CKAP2: variants seen among roughly 807,000 people sequenced by gnomAD.
CKAP2 encodes cytoskeleton associated protein 2.
CKAP2 carries 46 observed loss-of-function variants against 58.4 expected under a neutral mutation model. That is an observed-to-expected ratio of 0.79 (90% CI 0.62 to 1.01). CKAP2 has a LOEUF of 1.01. Among genes scored for constraint, CKAP2 ranks in the 50% least tolerant of loss-of-function variants. The pLI is 0.00. For missense variants in CKAP2, 809 were observed against 796.4 expected, an observed-to-expected ratio of 1.02 and a Z score of -0.19; for synonymous variants, 293 against 280.9, an observed-to-expected ratio of 1.04 and a Z score of -0.43.
chr13:52,467,092 C>T (rs1183095933), intron 6 of CKAP2, among the ~76,000 whole-genome samples: 1 of 127,292 alleles, frequency 7.9e-6, no homozygotes, highest in Admixed American at 8.4e-5. Flanking sequence ...CAGAGCAACA[C>T]CCTGTCTCAA....
In CKAP2 at chr13:52,475,367, T is replaced by A. The variant is rs1349178736; in HGVS notation, c.*226T>A. 2 of 495,260 alleles carry A rather than the reference T, an allele frequency of 4.0e-6. No individual in the cohort carries two copies. Among genetic ancestry groups the A allele is most frequent in the African/African-American group, 1.9e-5 (1 of 51,840 alleles). 30.7% of individuals were successfully genotyped at this position (495,260 alleles called of 1,614,324 possible). On this transcript the variant is annotated 3_prime_UTR_variant, in exon 9 of 9. Transcript: ENST00000258607. Reference sequence around the variant, plus strand: ...GTTTCAACCAACTGAGTTTTTTCTTTAAGAAAGGTAAATTTTGTCAGCTAG... The same window carrying A: ...GTTTCAACCAACTGAGTTTTTTCTTAAAGAAAGGTAAATTTTGTCAGCTAG...
intron 2 of CKAP2, among the ~76,000 whole-genome samples, chr13:52,458,819 C>T (rs909906781): frequency 6.6e-6 from 1 of 150,782 alleles, no homozygotes; most frequent in African/African-American, 2.4e-5. Flanking sequence ...ATCAGGCCAT[C>T]GCACTCCAGC....
chr13:52,463,575 C>T (rs1958616980), intron 5 of CKAP2, among the ~76,000 whole-genome samples: 1 of 152,172 alleles, frequency 6.6e-6, no homozygotes, highest in Admixed American at 6.5e-5. Flanking sequence ...TAGACAATAG[C>T]AACAACAAAC....
At chr13:52,463,491 A>G (rs1958615475) in intron 5 of CKAP2, among the ~76,000 whole-genome samples, 1 of 152,178 alleles carries the variant, frequency 6.6e-6, no homozygotes, top group African/African-American at 2.4e-5. Context: ...AAAAAGACAC[A>G]TTAATACAGT....
At chr13:52,462,732 A>G (rs1958605634) in intron 5 of CKAP2, among the ~76,000 whole-genome samples, 165 bp downstream of exon 5, 1 of 152,174 alleles carries the variant, frequency 6.6e-6, no homozygotes, top group Non-Finnish European at 1.5e-5. Context: ...TAATTGCGAG[A>G]TACACTGCTT....
chr13:52,464,572 AAAC>A lies in CKAP2; in HGVS notation c.1306-720_1306-718del, dbSNP rs1372283838. Reference sequence around the variant, plus strand: ...CCGTCTCAAAAAAAAAAAAAAAAAAAAACAATCCCATTCATCTAAGCCAACATC... The same window carrying A: ...CCGTCTCAAAAAAAAAAAAAAAAAAAAATCCCATTCATCTAAGCCAACATC... On this transcript the variant is annotated intron_variant, in intron 5 of 8. Coordinates refer to ENST00000258607, the MANE Select transcript of CKAP2 (RefSeq NM_018204.5). Among the ~76,000 whole-genome samples the A allele has an allele frequency of 5.5e-3, 834 of 151,772 alleles. 5 individuals are homozygous for A. Among genetic ancestry groups the A allele is most frequent in the South Asian group, 0.014 (65 of 4,802 alleles).
intron 7 of CKAP2, among the ~76,000 whole-genome samples, chr13:52,469,636 C>A: frequency 6.9e-6 from 1 of 145,650 alleles, no homozygotes; most frequent in Admixed American, 6.9e-5. Flanking sequence ...GTCGCCCAGG[C>A]CAGACTGCGG....
At chr13:52,469,254 G>T (rs758111665) in intron 7 of CKAP2, among the ~76,000 whole-genome samples, 2 of 152,088 alleles carry the variant, frequency 1.3e-5, no homozygotes, top group Non-Finnish European at 2.9e-5. Context: ...AGGAGATCTG[G>T]CTCAATATTT....
chr13:52,474,405 C>T (rs1958801142), intron 8 of CKAP2, among the ~76,000 whole-genome samples: 1 of 152,178 alleles, frequency 6.6e-6, no homozygotes, highest in African/African-American at 2.4e-5. Context: ...GAGAGGATCA[C>T]TTGAGCCCAG....
chr13:52,456,093 G>T, intron 1 of CKAP2: 10 of 1,019,226 alleles, frequency 9.8e-6, no homozygotes, highest in Non-Finnish European at 1.2e-5. Flanking sequence ...ACCGAGGGTT[G>T]GTTGGGTCTT....
chr13:52,464,885 A>G (rs1958641641), intron 5 of CKAP2, among the ~76,000 whole-genome samples: 1 of 152,218 alleles, frequency 6.6e-6, no homozygotes, highest in South Asian at 2.1e-4. Flanking sequence ...CTCTAATAGA[A>G]TAGAATTAGA....
At position 52,462,390 on chromosome 13, in the gene CKAP2, C is replaced by G. The variant is rs369722906; in HGVS notation, c.1128C>G (p.Gly376=). The G allele has an allele frequency of 6.2e-7, 1 of 1,613,840 alleles. No homozygotes were observed. The highest frequency in any genetic ancestry group is 1.3e-5 in the African/African-American group (1 of 74,894). ...RKARLSEWKA[G]KGRVLKRPPN... is the part of the protein sequence containing the mutation. ...CTCGTCTGAGTGAGTGGAAAGCTGG[C>G]AAAGGAAGAGTGCTAAAAAGGCCCC... The change falls in exon 5 of 9, where the codon GGC becomes GGG. Residue 376 remains glycine (G), a synonymous_variant. Transcript: ENST00000258607.
Position 52,475,354 on chromosome 13 carries a change from T to C in CKAP2, c.*213T>C, listed in dbSNP as rs1325225391. ...TCCTACCTTGTCAGTTTCAACCAAC[T>C]GAGTTTTTTCTTTAAGAAAGGTAAA... On this transcript the variant is annotated 3_prime_UTR_variant, in exon 9 of 9. Transcript: ENST00000258607. The C allele has an allele frequency of 1.4e-5, 8 of 558,538 alleles. No individual in the cohort carries two copies. Among genetic ancestry groups the C allele is most frequent in the African/African-American group, 1.3e-4 (7 of 53,030 alleles). 34.6% of individuals were successfully genotyped at this position (558,538 alleles called of 1,614,324 possible).
At chr13:52,462,964 G>T (rs1958608797) in intron 5 of CKAP2, among the ~76,000 whole-genome samples, 1 of 152,168 alleles carries the variant, frequency 6.6e-6, no homozygotes, top group African/African-American at 2.4e-5. Flanking sequence ...TTGCTTTTGA[G>T]ACAGTCACTC....
At chr13:52,456,010 C>T (rs1389529139) in intron 1 of CKAP2, 1 of 1,058,846 alleles carries the variant, frequency 9.4e-7, no homozygotes, top group African/African-American at 1.7e-5. Flanking sequence ...AGGTCCCTAG[C>T]GAATTTCTGC....
chr13:52,461,040 C>A lies in CKAP2; in HGVS notation c.232-18C>A, dbSNP rs772899454. 3 of 1,601,412 alleles carry A rather than the reference C, an allele frequency of 1.9e-6. No homozygotes were observed. The Admixed American group carries it at 5.3e-5, about 28-fold the overall frequency. On this transcript the variant is annotated intron_variant, in intron 3 of 8. Transcript: ENST00000258607. ...CATTTTGCCTTTCCTAAACACTTTTCTTAAATAATTCTTTCAGGCTGATAA... is the reference window on the plus strand; with the variant it reads ...CATTTTGCCTTTCCTAAACACTTTTATTAAATAATTCTTTCAGGCTGATAA...
rs763041884 is a variant in CKAP2 at position 52,461,936 on chromosome 13, T to TA, written c.1100+11dup. 22 of 1,564,320 alleles carry TA rather than the reference T, an allele frequency of 1.4e-5. No individual in the cohort carries two copies. Among genetic ancestry groups the TA allele is most frequent in the Non-Finnish European group, 1.8e-5 (21 of 1,160,908 alleles). ...CCTCGGAAGAGAGAAAGTAAGTAGA[T>TA]ATAATTTTCTTTATTACATTAGTTT... On this transcript the variant is annotated intron_variant, in intron 4 of 8. Transcript: ENST00000258607.
intron 7 of CKAP2, among the ~76,000 whole-genome samples, chr13:52,472,352 A>G (rs750755420): frequency 1.3e-5 from 2 of 152,218 alleles, no homozygotes; most frequent in Non-Finnish European, 2.9e-5. Flanking sequence ...CCTGACACAT[A>G]TTTGGCACTT....
chr13:52,470,750 A>G (rs972145353), intron 7 of CKAP2, among the ~76,000 whole-genome samples: 2 of 152,214 alleles, frequency 1.3e-5, no homozygotes, highest in African/African-American at 2.4e-5. Flanking sequence ...CAGAACATCT[A>G]TATGATCTGA....
Sources: gnomAD v4.1 joint callset for allele counts (sites outside exome capture counted in the v4.1 genomes callset) on GRCh38, gnomAD v4.1.1 for gene constraint, MANE v1.5 for transcripts, NCBI Gene and HGNC (gene_info 2026-07-23, HGNC 2026-07-21) for gene names.